FMN2: variants seen among roughly 807,000 people sequenced by gnomAD.
The protein encoded by FMN2 is formin 2, also known as formin-2.
A neutral mutation model predicts 142.3 loss-of-function variants in FMN2; 51 were observed. The ratio of observed to expected loss-of-function variants is 0.36; its 90% CI spans 0.29 to 0.45. The LOEUF is 0.45. Ranked by LOEUF, FMN2 falls within the 20% of genes least tolerant of loss-of-function variation. The pLI, the probability that FMN2 is intolerant of heterozygous loss-of-function variation, is 1.00. For synonymous variants in FMN2, 882 were observed against 869.8 expected (o/e 1.01, Z -0.25); for missense variants, 1,936 against 2,122.8 (o/e 0.91, Z 1.73).
chr1:240,199,851 T>C (rs1241035572), intron 4 of FMN2, among the ~76,000 whole-genome samples: 1 of 152,246 alleles, frequency 6.6e-6, no homozygotes, highest in African/African-American at 2.4e-5. Context: ...ATATAGGTTC[T>C]GTACAAAATT....
intron 2 of FMN2, among the ~76,000 whole-genome samples, chr1:240,172,330 C>G (rs538084646): frequency 6.6e-6 from 1 of 152,214 alleles, no homozygotes; most frequent in East Asian, 1.9e-4. Context: ...TGCTCAACTA[C>G]TTATAGTCAT....
In FMN2 at chr1:240,137,944, G is replaced by C. The variant is rs184786263; in HGVS notation, c.1782+14599G>C. On this transcript the variant is annotated intron_variant, in intron 2 of 17. Coordinates refer to ENST00000319653, the MANE Select transcript of FMN2 (RefSeq NM_020066.5). Reference sequence around the variant, plus strand: ...GTCTCTACTACAAATACAAAAATTAGCCGGGTGCAGTCGTGTGCGCTGAGG... The same window carrying C: ...GTCTCTACTACAAATACAAAAATTACCCGGGTGCAGTCGTGTGCGCTGAGG... Among the ~76,000 whole-genome samples, 16 of 151,632 alleles carry C rather than the reference G, an allele frequency of 1.1e-4. No homozygotes were observed. The South Asian group carries it at 1.3e-3, about 12-fold the overall frequency.
At chr1:240,136,719 A>T (rs1288388559) in intron 2 of FMN2, among the ~76,000 whole-genome samples, 1 of 152,102 alleles carries the variant, frequency 6.6e-6, no homozygotes, top group East Asian at 1.9e-4. Context: ...AGTTCTATTG[A>T]TGTGACTTGT....
intron 15 of FMN2, among the ~76,000 whole-genome samples, chr1:240,395,547 A>G (rs1673745829): frequency 6.6e-6 from 1 of 152,260 alleles, no homozygotes; most frequent in Non-Finnish European, 1.5e-5. Context: ...AGGTCAAAAT[A>G]TCAGCGTTAA....
chr1:240,472,213 G>A, intron 16 of FMN2, 159 bp from the exon 17 acceptor site: 1 of 591,160 alleles, frequency 1.7e-6, no homozygotes, highest in South Asian at 2.2e-5. Flanking sequence ...AACAGTTGAG[G>A]CTTTCAATTC....
intron 16 of FMN2, chr1:240,459,562 C>G (rs1676365779): frequency 6.6e-6 from 1 of 151,764 alleles, no homozygotes. Context: ...ACTAAAAATA[C>G]AAATATTAGC....
intron 6 of FMN2, among the ~76,000 whole-genome samples, chr1:240,216,136 A>AG (rs1666885936): frequency 6.6e-6 from 1 of 152,334 alleles, no homozygotes; most frequent in Non-Finnish European, 1.5e-5. Context: ...TAAAAGTAAG[A>AG]GCCACTTGCT....
At chr1:240,122,954 A>G (rs1662342631) in intron 1 of FMN2, among the ~76,000 whole-genome samples, 1 of 152,106 alleles carries the variant, frequency 6.6e-6, no homozygotes, top group Non-Finnish European at 1.5e-5. Context: ...GGCAGGAGGT[A>G]TTTAGGGGGA....
intron 6 of FMN2, among the ~76,000 whole-genome samples, chr1:240,221,417 G>T (rs183215619): frequency 5.9e-5 from 9 of 152,232 alleles, no homozygotes; most frequent in Non-Finnish European, 8.8e-5. Flanking sequence ...ATTCTGACTG[G>T]CATGAGATGG....
chr1:240,228,303 CAAAAAAAA>C (rs577421634), intron 6 of FMN2, among the ~76,000 whole-genome samples: 17 of 47,748 alleles, frequency 3.6e-4, no homozygotes, highest in Admixed American at 6.7e-4. Flanking sequence ...AACTCTGTCT[CAAAAAAAA>C]AAAAAAAAAA....
chr1:240,460,937 G>T (rs1676429457), intron 16 of FMN2, among the ~76,000 whole-genome samples: 1 of 152,032 alleles, frequency 6.6e-6, no homozygotes, highest in Non-Finnish European at 1.5e-5. Flanking sequence ...TGATTATGGG[G>T]GTAGAAACCA....
chr1:240,316,192 A>T (rs1670774685), intron 8 of FMN2, among the ~76,000 whole-genome samples: 1 of 152,216 alleles, frequency 6.6e-6, no homozygotes. Flanking sequence ...ATTGTTCTTA[A>T]GTGCTAGATA....
chr1:240,178,376 A>G (rs1238830783), intron 3 of FMN2, among the ~76,000 whole-genome samples: 4 of 142,278 alleles, frequency 2.8e-5, no homozygotes, highest in African/African-American at 1.1e-4. Flanking sequence ...TGAGAACCAT[A>G]TTTGTGTAAC....
chr1:240,235,070 C>A (rs1572099779), intron 6 of FMN2, among the ~76,000 whole-genome samples: 1 of 152,152 alleles, frequency 6.6e-6, no homozygotes, highest in Admixed American at 6.5e-5. Flanking sequence ...ACACATGACT[C>A]ATACTAAAGA....
At chr1:240,435,373 C>T (rs144347224) in intron 15 of FMN2, among the ~76,000 whole-genome samples, 100 of 150,976 alleles carry the variant, frequency 6.6e-4, no homozygotes, top group Middle Eastern at 3.4e-3. Context: ...AGCTTTTGTG[C>T]CTACTGGTAA....
chr1:240,148,762 C>T (rs1001664877), intron 2 of FMN2, among the ~76,000 whole-genome samples: 1 of 151,970 alleles, frequency 6.6e-6, no homozygotes, highest in African/African-American at 2.4e-5. Flanking sequence ...GGGCGGATCA[C>T]GAGGTCAGGA....
chr1:240,308,118 G>A (rs1460906691), intron 8 of FMN2, among the ~76,000 whole-genome samples: 2 of 152,208 alleles, frequency 1.3e-5, no homozygotes, highest in Non-Finnish European at 2.9e-5. Context: ...TTTGAAAGAT[G>A]ACATTTGAAC....
intron 8 of FMN2, among the ~76,000 whole-genome samples, chr1:240,306,117 T>C (rs1670389228): frequency 6.6e-6 from 1 of 151,950 alleles, no homozygotes; most frequent in Non-Finnish European, 1.5e-5. Flanking sequence ...GCCCAGCTAA[T>C]TTTTGTATTT....
In FMN2 at chr1:240,377,887, C is replaced by T. The variant is rs564985010; in HGVS notation, c.4859-14624C>T. Among the ~76,000 whole-genome samples, 8 of 151,950 alleles carry T rather than the reference C, an allele frequency of 5.3e-5. No individual in the cohort carries two copies. The South Asian group carries it at 1.0e-3, about 20-fold the overall frequency. On this transcript the variant is annotated intron_variant, in intron 14 of 17. Coordinates refer to ENST00000319653, the MANE Select transcript of FMN2 (RefSeq NM_020066.5). ...CCCCCATAATTTATTATATTATATT[C>T]CCATGTAATATAACATATTCATAGC... is the stretch of plus-strand genomic sequence containing the variant.
Sources: gnomAD v4.1 joint callset for allele counts (sites outside exome capture counted in the v4.1 genomes callset) on GRCh38, gnomAD v4.1.1 for gene constraint, MANE v1.5 for transcripts, NCBI Gene and HGNC (gene_info 2026-07-23, HGNC 2026-07-21) for gene names.